Variants in PALM observed in about 807,000 individuals in gnomAD.
PALM encodes the protein paralemmin-1.
Under a neutral mutation model 30.7 loss-of-function variants are expected in PALM, and 18 were observed. That is an observed-to-expected ratio of 0.59 (90% CI 0.41 to 0.87). The LOEUF (loss-of-function observed/expected upper bound fraction) is 0.87, where lower values mean the gene tolerates loss of function less well. PALM is among the 40% of genes least tolerant of loss of function. The pLI, the probability that PALM is intolerant of heterozygous loss-of-function variation, is 0.00. For missense variants in PALM, 529 were observed against 555.4 expected, an observed-to-expected ratio of 0.95 and a Z score of 0.48; for synonymous variants, 286 against 242.8, an observed-to-expected ratio of 1.18 and a Z score of -1.66.
Position 736,087 on chromosome 19 carries a change from GC to G in PALM, c.502+14del, listed in dbSNP as rs2033015749. On this transcript the variant is annotated intron_variant, in intron 7 of 8. Coordinates refer to ENST00000338448, the MANE Select transcript of PALM (RefSeq NM_002579.3). Reference sequence around the variant, plus strand: ...CCCCATGATGAAGGCAGGTGGGTTGGCCCCCAGGCTCTGGGCCCCAGATCCA... The same window carrying G: ...CCCCATGATGAAGGCAGGTGGGTTGGCCCCAGGCTCTGGGCCCCAGATCCA... The G allele has an allele frequency of 2.5e-6, 4 of 1,593,490 alleles. No homozygotes were observed. The highest frequency in any genetic ancestry group is 3.4e-6 in the Non-Finnish European group (4 of 1,168,844).
At chr19:711,111 A>G in intron 1 of PALM, 1 of 719,032 alleles carries the variant, frequency 1.4e-6, no homozygotes, top group Non-Finnish European at 1.7e-6. Context: ...AGAATTTTAA[A>G]TGTCATTCAA....
intron 7 of PALM, among the ~76,000 whole-genome samples, chr19:737,640 G>C (rs2033062082): frequency 6.6e-6 from 1 of 152,182 alleles, no homozygotes; most frequent in South Asian, 2.1e-4. Context: ...GCAGCTATCT[G>C]GAGGAAGGTG....
At position 746,635 on chromosome 19, in the gene PALM, G is replaced by A. The variant is rs1156820748; in HGVS notation, c.985G>A (p.Val329Met). Reference sequence around the variant, plus strand: ...TCAAGATACCATCACGGCGGAGCTGGTGGTCATCGAAGACGCGGCTGAGCC... The same window carrying A: ...TCAAGATACCATCACGGCGGAGCTGATGGTCATCGAAGACGCGGCTGAGCC... Reference protein sequence around the residue: ...GLQDTITAELVVIEDAAEPKE... With the variant: ...GLQDTITAELMVIEDAAEPKE... Residue 329 changes from valine (V) to methionine (M), a missense_variant, in exon 9 of 9, where the codon GTG becomes ATG. Physicochemically the swap from Val to Met is conservative, Grantham distance 21. Transcript: ENST00000338448. This position sits in a 1 kb window ranked among gnomAD's most constrained non-coding sequence, Gnocchi z 7.1. 1 of 1,612,962 alleles carries A rather than the reference G, an allele frequency of 6.2e-7. No homozygotes were observed. The highest frequency in any genetic ancestry group is 1.1e-5 in the South Asian group (1 of 91,044).
intron 1 of PALM, among the ~76,000 whole-genome samples, chr19:710,174 C>T (rs1167355797): frequency 1.3e-5 from 2 of 152,188 alleles, no homozygotes; most frequent in East Asian, 1.9e-4. Flanking sequence ...GGCCCCCTGC[C>T]CTTCCCACTG....
intron 1 of PALM, among the ~76,000 whole-genome samples, chr19:723,411 C>T (rs1043145848): frequency 6.6e-6 from 1 of 152,056 alleles, no homozygotes; most frequent in African/African-American, 2.4e-5. Context: ...AGGCCCTGCC[C>T]GTCAGCCTGG....
At chr19:724,200 G>A (rs920912981) in intron 1 of PALM, among the ~76,000 whole-genome samples, 1 of 152,090 alleles carries the variant, frequency 6.6e-6, no homozygotes, top group African/African-American at 2.4e-5. Flanking sequence ...GCCTGGTGGG[G>A]GTGGCGAGGG....
At position 746,157 on chromosome 19, in the gene PALM, C is replaced by T. The variant is rs943704974; in HGVS notation, c.635-128C>T. ...TCAGTTCTGACGGTGTAATCTAGTTCGTGATTTCCTCTTTAGCCTGGAGGA... is the reference window on the plus strand; with the variant it reads ...TCAGTTCTGACGGTGTAATCTAGTTTGTGATTTCCTCTTTAGCCTGGAGGA... On this transcript the variant is annotated intron_variant, in intron 8 of 8. Transcript: ENST00000338448. The surrounding 1 kb of genome is among the most constrained non-coding windows in gnomAD (Gnocchi z 7.1). The T allele has an allele frequency of 2.8e-5, 19 of 674,830 alleles. No individual in the cohort carries two copies. Among genetic ancestry groups the T allele is most frequent in the Admixed American group, 5.4e-5 (2 of 37,030 alleles). The allele number at this position is 674,830 out of a possible 1,614,324, so 41.8% of individuals were successfully genotyped here.
chr19:714,845 G>A (rs1409686202), intron 1 of PALM, among the ~76,000 whole-genome samples: 4 of 152,074 alleles, frequency 2.6e-5, no homozygotes, highest in South Asian at 2.1e-4. Context: ...TTGTAGAGAC[G>A]GGGTCTCCCT....
At chr19:717,042 G>T (rs528593983) in intron 1 of PALM, among the ~76,000 whole-genome samples, 42 of 151,822 alleles carry the variant, frequency 2.8e-4, no homozygotes, top group Admixed American at 5.3e-4. Flanking sequence ...TGGTTCTCCT[G>T]CCTCAGCCTC....
At chr19:734,129 CG>C in intron 5 of PALM, 43 bp from the exon 6 acceptor site, 1 of 1,609,116 alleles carries the variant, frequency 6.2e-7, no homozygotes, top group Non-Finnish European at 8.5e-7. Flanking sequence ...TTCCTCTTCC[CG>C]GGGATGCTGA....
At chr19:732,940 T>G (rs1299253789) in intron 5 of PALM, among the ~76,000 whole-genome samples, 5 of 133,442 alleles carry the variant, frequency 3.7e-5, no homozygotes, top group African/African-American at 6.0e-5. Context: ...TTTTTTTGTG[T>G]TTTTTTTTTT....
At chr19:729,330 A>G (rs543532953) in intron 4 of PALM, among the ~76,000 whole-genome samples, 2 of 152,030 alleles carry the variant, frequency 1.3e-5, no homozygotes, top group East Asian at 3.9e-4. Flanking sequence ...TGTCTAAAAA[A>G]GGAAGGTATG....
chr19:712,337 C>T (rs771925417), intron 1 of PALM, among the ~76,000 whole-genome samples: 79 of 152,186 alleles, frequency 5.2e-4, no homozygotes, highest in South Asian at 1.2e-3. Context: ...CTTGCCTTTT[C>T]CATGGCCCTG....
chr19:719,502 G>T (rs1037498447), intron 1 of PALM: 17 of 985,366 alleles, frequency 1.7e-5, no homozygotes, highest in African/African-American at 3.5e-5. Context: ...CGCTCCAGGG[G>T]CTCTGCGCGG....
At position 742,674 on chromosome 19, in the gene PALM, C is replaced by A. The variant is rs940928525; in HGVS notation, c.634+2191C>A. On this transcript the variant is annotated intron_variant, in intron 8 of 8. Transcript: ENST00000338448. This position sits in a 1 kb window ranked among gnomAD's most constrained non-coding sequence, Gnocchi z 5.5. ...ACTGCACGTGGCCTTCTGTGTCTGG[C>A]GTCTCTCACTGGGCGTGACGTCCCC... Among the ~76,000 whole-genome samples the A allele has an allele frequency of 2.6e-5, 4 of 152,016 alleles. No individual in the cohort carries two copies. The highest frequency in any genetic ancestry group is 4.4e-5 in the Non-Finnish European group (3 of 67,996).
rs1280105479 is a variant in PALM, at chr19:746,494, G to A, written c.844G>A (p.Glu282Lys). 2.5e-6 allele frequency: 4 copies of A among 1,611,622 alleles called. No homozygotes were observed. The African/African-American group carries it at 4.0e-5, about 16-fold the overall frequency. ...CACCGGTGTGCAGGCACAGCCAGGC[G>A]AGGCCACGTCCGGCCCGCCGGGGAT... is the stretch of plus-strand genomic sequence containing the variant. ...EITGVQAQPG[E>K]ATSGPPGIQP... Residue 282 changes from glutamate to lysine, a missense_variant, in exon 9 of 9, where the codon GAG becomes AAG. By Grantham distance (56) the Glu-to-Lys change is moderately conservative. Coordinates refer to ENST00000338448, the MANE Select transcript of PALM (RefSeq NM_002579.3). This position sits in a 1 kb window ranked among gnomAD's most constrained non-coding sequence, Gnocchi z 7.1.
intron 1 of PALM, chr19:723,014 G>A (rs888039007): frequency 1.3e-5 from 2 of 152,816 alleles, no homozygotes; most frequent in African/African-American, 4.8e-5. Context: ...AAACCCGAGT[G>A]GGGTGGGCAG....
At chr19:716,312 C>A (rs2032253703) in intron 1 of PALM, among the ~76,000 whole-genome samples, 1 of 151,990 alleles carries the variant, frequency 6.6e-6, no homozygotes, top group African/African-American at 2.4e-5. Flanking sequence ...ACTCGGGAGG[C>A]TGAGGCAGGA....
At chr19:719,367 T>A (rs1483414127) in intron 1 of PALM, 2 of 985,364 alleles carry the variant, frequency 2.0e-6, no homozygotes, top group African/African-American at 3.5e-5. Context: ...AGCAGGACTA[T>A]CTCACGCGCT....
Sources: allele counts gnomAD v4.1 joint callset (sites outside exome capture counted in the v4.1 genomes callset), GRCh38; gene constraint gnomAD v4.1.1; non-coding constraint Gnocchi (gnomAD v3.1); transcripts MANE v1.5; gene names NCBI Gene and HGNC (gene_info 2026-07-23, HGNC 2026-07-21).